CNOT6: variants seen among roughly 807,000 people sequenced by gnomAD.
CNOT6 encodes the protein CCR4-NOT transcription complex subunit 6.
In CNOT6, 12 loss-of-function variants were observed where a neutral mutation model predicts 61.2. That is an observed-to-expected ratio of 0.20 (90% CI 0.13 to 0.32). The LOEUF is 0.32. Among genes scored for constraint, CNOT6 ranks in the 10% least tolerant of loss-of-function variants. The pLI, the probability that CNOT6 is intolerant of heterozygous loss-of-function variation, is 1.00. For synonymous variants in CNOT6, 225 were observed against 240.6 expected (o/e 0.94, Z 0.60); for missense variants, 405 against 663.9 (o/e 0.61, Z 4.28).
intron 2 of CNOT6, among the ~76,000 whole-genome samples, chr5:180,549,713 G>A (rs562038407): frequency 6.6e-6 from 1 of 152,152 alleles, no homozygotes; most frequent in African/African-American, 2.4e-5. Flanking sequence ...AGTAGTATTG[G>A]TACATTAACT....
chr5:180,510,134 C>CTTTT (rs56899929), intron 1 of CNOT6, among the ~76,000 whole-genome samples: 1,042 of 37,362 alleles, frequency 0.028, 116 homozygotes, highest in East Asian at 0.06. Flanking sequence ...GTCTGTAAAC[C>CTTTT]TTTTTTTTTT....
chr5:180,496,261 A>C (rs62405499), intron 1 of CNOT6, among the ~76,000 whole-genome samples: 18,554 of 152,234 alleles, frequency 0.12, 1,452 homozygotes, highest in Middle Eastern at 0.22. Context: ...AAATTGCTTA[A>C]TATCTTTAGA....
intron 1 of CNOT6, among the ~76,000 whole-genome samples, chr5:180,495,190 T>TA (rs750471256): frequency 8.5e-5 from 13 of 152,206 alleles, no homozygotes; most frequent in Non-Finnish European, 1.8e-4. Context: ...TGGCCACAAT[T>TA]ACTGTCAAGC....
At chr5:180,503,080 A>G (rs1407749885) in intron 1 of CNOT6, among the ~76,000 whole-genome samples, 1 of 152,136 alleles carries the variant, frequency 6.6e-6, no homozygotes, top group Non-Finnish European at 1.5e-5. Context: ...AAAAAATGAT[A>G]TTGAATGCCG....
intron 1 of CNOT6, among the ~76,000 whole-genome samples, chr5:180,497,487 G>A (rs893519275): frequency 3.3e-5 from 5 of 152,176 alleles, no homozygotes; most frequent in African/African-American, 9.7e-5. Context: ...GCAGCTCACA[G>A]CTGTATTCTT....
chr5:180,569,257 G>T lies in CNOT6; in HGVS notation c.1175G>T (p.Arg392Leu). Reference sequence around the variant, plus strand: ...AAGAACATTATTGATAAAGCCTCTCGCAACCTCAAATCCAGTGTTTTGGGA... The same window carrying T: ...AAGAACATTATTGATAAAGCCTCTCTCAACCTCAAATCCAGTGTTTTGGGA... Reference protein sequence around the residue: ...EVKNIIDKASRNLKSSVLGEF... With the variant: ...EVKNIIDKASLNLKSSVLGEF... Residue 392 changes from arginine (R) to leucine (L), a missense_variant, in exon 10 of 12, where the codon CGC becomes CTC. Physicochemically the swap from Arg to Leu is moderately radical, Grantham distance 102 (BLOSUM62 -2). Around this residue, in one of 5 missense-constraint regions of CNOT6, gnomAD observed 116 missense variants for 184.6 expected, o/e 0.63. Coordinates refer to ENST00000261951, the MANE Select transcript of CNOT6 (RefSeq NM_001370472.1). The T allele has an allele frequency of 1.9e-6, 3 of 1,614,122 alleles. No homozygotes were observed. The highest frequency in any genetic ancestry group is 2.5e-6 in the Non-Finnish European group (3 of 1,179,974).
At position 180,523,466 on chromosome 5, in the gene CNOT6, G is replaced by A. The variant is rs968803712; in HGVS notation, c.-2-5809G>A. On this transcript the variant is annotated intron_variant, in intron 1 of 11. Coordinates refer to ENST00000261951, the MANE Select transcript of CNOT6 (RefSeq NM_001370472.1). ...GATTGTCCCTAATTTCACTGAACAT[G>A]TTTGATTCCTGACTGAAAAATAGAC... Among the ~76,000 whole-genome samples the A allele has an allele frequency of 2.6e-5, 4 of 152,102 alleles. No individual in the cohort carries two copies. The East Asian group carries it at 5.8e-4, about 22-fold the overall frequency.
intron 1 of CNOT6, among the ~76,000 whole-genome samples, chr5:180,522,693 C>T (rs776216413): frequency 4.6e-5 from 7 of 151,650 alleles, no homozygotes; most frequent in African/African-American, 9.7e-5. Context: ...CTCTTGCCCA[C>T]GCTGGAGTGC....
intron 1 of CNOT6, among the ~76,000 whole-genome samples, chr5:180,525,010 G>A (rs1487367239): frequency 6.6e-6 from 1 of 152,178 alleles, no homozygotes; most frequent in Admixed American, 6.5e-5. Context: ...TTCAGAAAGA[G>A]CACTTTCCTT....
intron 2 of CNOT6, among the ~76,000 whole-genome samples, chr5:180,543,536 G>A (rs11249723): frequency 0.47 from 70,856 of 151,926 alleles, 17,545 homozygotes; most frequent in Non-Finnish European, 0.56. Flanking sequence ...ATTCATGATC[G>A]TTTATATTTC....
Position 180,550,141 on chromosome 5 carries a change from T to C in CNOT6, c.299+24T>C, listed in dbSNP as rs770483879. On this transcript the variant is annotated intron_variant, in intron 3 of 11. Coordinates refer to ENST00000261951, the MANE Select transcript of CNOT6 (RefSeq NM_001370472.1). ...AGGTATGCAGATTCAACTTAATACA[T>C]ACTAGCTATATGACCCCTAAAACAA... 1.9e-6 allele frequency: 3 copies of C among 1,593,634 alleles called. No individual in the cohort carries two copies. The East Asian group carries it at 6.7e-5, about 36-fold the overall frequency.
At chr5:180,503,265 T>C (rs1756963305) in intron 1 of CNOT6, among the ~76,000 whole-genome samples, 1 of 149,392 alleles carries the variant, frequency 6.7e-6, no homozygotes, top group Admixed American at 6.7e-5. Flanking sequence ...TATTTTTCTT[T>C]TTTTTTTTTT....
rs945359882 is a variant in CNOT6, at chr5:180,575,183, A to G, written c.*983A>G. 1 of 152,662 alleles carries G rather than the reference A, an allele frequency of 6.6e-6. No homozygotes were observed. The highest frequency in any genetic ancestry group is 2.4e-5 in the African/African-American group (1 of 41,468). The allele number at this position is 152,662 out of a possible 1,614,324, so 9.5% of individuals were successfully genotyped here. ...CACCAAGCACTGCCTGTGCATGCAG[A>G]GAAAATCTGTGCATCCTCTTTTATA... On this transcript the variant is annotated 3_prime_UTR_variant, in exon 12 of 12. Transcript: ENST00000261951.
chr5:180,512,350 G>A (rs952979232), intron 1 of CNOT6, among the ~76,000 whole-genome samples: 1 of 152,210 alleles, frequency 6.6e-6, no homozygotes, highest in African/African-American at 2.4e-5. Flanking sequence ...TGGAGATAGG[G>A]AAGAGTGGAG....
intron 1 of CNOT6, among the ~76,000 whole-genome samples, chr5:180,517,377 C>G (rs1416690539): frequency 6.6e-6 from 1 of 152,134 alleles, no homozygotes; most frequent in East Asian, 1.9e-4. Context: ...TATCTGCTCA[C>G]CTCAGCCTCC....
intron 1 of CNOT6, among the ~76,000 whole-genome samples, chr5:180,529,026 T>C (rs887690680): frequency 1.1e-4 from 17 of 151,994 alleles, no homozygotes; most frequent in African/African-American, 4.1e-4. Context: ...CTGGCCAATA[T>C]GGTGAAACCC....
intron 4 of CNOT6, among the ~76,000 whole-genome samples, chr5:180,558,907 C>A (rs1333477411): frequency 6.6e-6 from 1 of 152,158 alleles, no homozygotes; most frequent in African/African-American, 2.4e-5. Context: ...GCCTCTGAAG[C>A]AGGTGGGACT....
intron 1 of CNOT6, among the ~76,000 whole-genome samples, chr5:180,517,082 T>C (rs143937079): frequency 0.014 from 2,091 of 152,292 alleles, 50 homozygotes; most frequent in African/African-American, 0.047. Context: ...ATCTGTGTAG[T>C]GGTGGCTTTT....
At chr5:180,517,541 T>C (rs1057392731) in intron 1 of CNOT6, among the ~76,000 whole-genome samples, 9 of 152,146 alleles carry the variant, frequency 5.9e-5, no homozygotes, top group African/African-American at 1.9e-4. Flanking sequence ...GTAGGGCTTT[T>C]TTTTTCTTTT....
Sources: allele counts gnomAD v4.1 joint callset (sites outside exome capture counted in the v4.1 genomes callset), GRCh38; gene constraint gnomAD v4.1.1; regional missense constraint gnomAD v4.1.1; transcripts MANE v1.5; gene names NCBI Gene and HGNC (gene_info 2026-07-23, HGNC 2026-07-21).